The following TMF1 variants were observed in gnomAD, a reference collection of about 807,000 sequenced individuals.
TMF1 encodes the protein TATA element modulatory factor.
Under a neutral mutation model 126.5 loss-of-function variants are expected in TMF1, and 71 were observed. The observed-to-expected ratio is 0.56, with a 90% CI of 0.46 to 0.68. The LOEUF (loss-of-function observed/expected upper bound fraction) is 0.68. Ranked by LOEUF, TMF1 falls within the 30% of genes least tolerant of loss-of-function variation. TMF1 has a pLI of 0.00. For synonymous variants in TMF1, 461 were observed against 430.5 expected (o/e 1.07, Z -0.88); for missense variants, 1,259 against 1,253.2 (o/e 1.00, Z -0.07).
chr3:69,051,012 C>T (rs1256106367), intron 1 of TMF1, among the ~76,000 whole-genome samples: 1 of 152,172 alleles, frequency 6.6e-6, no homozygotes, highest in Non-Finnish European at 1.5e-5. Flanking sequence ...AAATGTGATA[C>T]CATCCAGAAA....
rs1192266083 is a variant in TMF1 at position 69,021,731 on chromosome 3, A to C, written c.*1446T>G. The C allele has an allele frequency of 6.6e-6, 1 of 150,888 alleles. No individual in the cohort carries two copies. The highest frequency in any genetic ancestry group is 2.1e-4 in the South Asian group (1 of 4,782). The allele number at this position is 150,888 out of a possible 1,614,324, so 9.3% of individuals were successfully genotyped here. A position where few individuals can be genotyped will look rare whatever the true frequency, so the allele number is the denominator to read the frequency against. Reference sequence around the variant, plus strand: ...AGTCTTTCTCTGTCACCCATGCTGGAGTGCAGTGGCACAATCTTGGCTCAT... The same window carrying C: ...AGTCTTTCTCTGTCACCCATGCTGGCGTGCAGTGGCACAATCTTGGCTCAT... On this transcript the variant is annotated 3_prime_UTR_variant, in exon 17 of 17. Transcript: ENST00000398559.
chr3:69,045,985 G>T (rs978801817), intron 2 of TMF1, among the ~76,000 whole-genome samples: 3 of 151,994 alleles, frequency 2.0e-5, no homozygotes, highest in Non-Finnish European at 4.4e-5. Flanking sequence ...GAGCCCAGGA[G>T]GTCAAGGCTG....
At chr3:69,032,362 G>A (rs1274712448) in intron 10 of TMF1, among the ~76,000 whole-genome samples, 2 of 152,136 alleles carry the variant, frequency 1.3e-5, no homozygotes, top group Non-Finnish European at 2.9e-5. Context: ...AATACCCTGA[G>A]TCCATGTCTC....
intron 2 of TMF1, among the ~76,000 whole-genome samples, chr3:69,045,927 G>A (rs1054612296): frequency 2.0e-5 from 3 of 151,796 alleles, no homozygotes; most frequent in Non-Finnish European, 4.4e-5. Context: ...GGCGTGGTGC[G>A]AGCCTATGGT....
rs553808487 is a variant in TMF1, at chr3:69,047,596, A to G, written c.1109T>C (p.Val370Ala). Residue 370 changes from valine to alanine, a missense_variant, in exon 2 of 17, where the codon GTT (valine) becomes GCT (alanine). Val to Ala is a moderately conservative substitution (Grantham distance 64). Coordinates refer to ENST00000398559, the MANE Select transcript of TMF1 (RefSeq NM_007114.3). The stretch of plus-strand genomic sequence containing the variant: ...TTCAGATTTTCCTTCAGCAGATTCA[A>G]CTGTTTTAGACTTTGGAGTTGAAGA... The part of the protein sequence containing the change: ...VNSSTPKSKT[V>A]ESAEGKSEEV... 1 of 1,614,112 alleles carries G rather than the reference A, an allele frequency of 6.2e-7. No individual in the cohort carries two copies. The highest frequency in any genetic ancestry group is 1.1e-5 in the South Asian group (1 of 91,084).
chr3:69,044,936 C>T (rs544698111), intron 2 of TMF1, among the ~76,000 whole-genome samples: 4 of 152,088 alleles, frequency 2.6e-5, no homozygotes, highest in Admixed American at 1.3e-4. Context: ...ATGCACTAGG[C>T]GACATGTATA....
chr3:69,044,517 C>A lies in TMF1; in HGVS notation c.1426G>T (p.Glu476Ter), dbSNP rs201489178. The A allele has an allele frequency of 6.3e-7, 1 of 1,596,606 alleles. No homozygotes were observed. Among genetic ancestry groups the A allele is most frequent in the East Asian group, 2.2e-5 (1 of 44,626 alleles). The change falls in exon 3 of 17, where the codon GAA (glutamate) becomes TAA (stop). Residue 476 changes from glutamate (E) to a stop codon, truncating the protein, a stop_gained. Transcript: ENST00000398559. LOFTEE classifies it high-confidence loss of function. Reference protein sequence around the residue: ...LSLSKEKALLEEAFDNLKDEM... With the variant: ...LSLSKEKALL ...TCTTTCAGGTTATCAAAAGCTTCTTCTAGAAGTGCTTTTTCCTTACTAAGA... is the reference window on the plus strand; with the variant it reads ...TCTTTCAGGTTATCAAAAGCTTCTTATAGAAGTGCTTTTTCCTTACTAAGA...
chr3:69,037,024 A>G (rs1433684437), intron 8 of TMF1, among the ~76,000 whole-genome samples: 1 of 152,240 alleles, frequency 6.6e-6, no homozygotes, highest in East Asian at 1.9e-4. Context: ...CAAATCCTAT[A>G]TCTGATAAAG....
intron 8 of TMF1, among the ~76,000 whole-genome samples, chr3:69,037,025 T>C (rs1559632096): frequency 6.6e-6 from 1 of 151,806 alleles, no homozygotes; most frequent in Non-Finnish European, 1.5e-5. Flanking sequence ...AAATCCTATA[T>C]CTGATAAAGG....
chr3:69,048,612 A>G (rs779852692), intron 1 of TMF1, 50 bp from the exon 2 acceptor site: 37 of 1,413,580 alleles, frequency 2.6e-5, no homozygotes, highest in Admixed American at 4.8e-5. Flanking sequence ...TGTTACATTA[A>G]TATTTCAATC....
chr3:69,033,791 G>T, intron 9 of TMF1, 87 bp from the exon 10 acceptor site: 2 of 1,194,072 alleles, frequency 1.7e-6, no homozygotes, highest in Non-Finnish European at 2.3e-6. Context: ...AGAGGTTCCT[G>T]GAAAATTATT....
intron 11 of TMF1, 91 bp from the exon 12 acceptor site, chr3:69,028,386 A>T: frequency 2.7e-6 from 2 of 749,398 alleles, no homozygotes; most frequent in Non-Finnish European, 4.4e-6. Context: ...AACTCCAGCT[A>T]CATATTGAGA....
At position 69,020,191 on chromosome 3, in the gene TMF1, A is replaced by C. The variant is rs1349065466; in HGVS notation, c.*2986T>G. On this transcript the variant is annotated 3_prime_UTR_variant, in exon 17 of 17. Coordinates refer to ENST00000398559, the MANE Select transcript of TMF1 (RefSeq NM_007114.3). ...TGCCAACTGAAGAGATGGAGAAAAAAAATTTCCTGAACATTCTTTTCACTT... is the reference window on the plus strand; with the variant it reads ...TGCCAACTGAAGAGATGGAGAAAAACAATTTCCTGAACATTCTTTTCACTT... 1 of 152,224 alleles carries C rather than the reference A, an allele frequency of 6.6e-6. No homozygotes were observed. The highest frequency in any genetic ancestry group is 1.9e-4 in the East Asian group (1 of 5,206). The allele number at this position is 152,224 out of a possible 1,614,324, so 9.4% of individuals were successfully genotyped here. A position where few individuals can be genotyped will look rare whatever the true frequency, so the allele number is the denominator to read the frequency against.
intron 4 of TMF1, 116 bp downstream of exon 4, chr3:69,043,634 A>G (rs2091879574): frequency 2.9e-6 from 3 of 1,019,698 alleles, no homozygotes; most frequent in East Asian, 5.4e-5. Context: ...ATGTTAATAG[A>G]TGATATCCTT....
intron 4 of TMF1, among the ~76,000 whole-genome samples, chr3:69,043,341 T>C (rs1303314496): frequency 1.3e-5 from 2 of 152,078 alleles, no homozygotes; most frequent in South Asian, 4.1e-4. Flanking sequence ...AGCTAATCTT[T>C]GTATTTTTTG....
intron 3 of TMF1, among the ~76,000 whole-genome samples, chr3:69,044,272 A>G (rs1164707170): frequency 1.3e-5 from 2 of 152,202 alleles, no homozygotes; most frequent in Admixed American, 6.5e-5. Context: ...AAACGAAAGG[A>G]AAGAGTTTTC....
At chr3:69,028,389 T>C in intron 11 of TMF1, 94 bp from the exon 12 acceptor site, 1 of 731,694 alleles carries the variant, frequency 1.4e-6, no homozygotes, top group Non-Finnish European at 2.3e-6. Context: ...TCCAGCTACA[T>C]ATTGAGAAAT....
chr3:69,030,997 G>GCTGC (rs2091798580), intron 10 of TMF1, among the ~76,000 whole-genome samples: 1 of 152,162 alleles, frequency 6.6e-6, no homozygotes, highest in Non-Finnish European at 1.5e-5. Flanking sequence ...AATCAGCCTG[G>GCTGC]ACGTCCCTTG....
chr3:69,045,341 C>A (rs1314596000), intron 2 of TMF1, among the ~76,000 whole-genome samples: 1 of 151,918 alleles, frequency 6.6e-6, no homozygotes, highest in East Asian at 1.9e-4. Context: ...ACCTGTAATC[C>A]CAGCTACTCA....
Sources: allele counts gnomAD v4.1 joint callset (sites outside exome capture counted in the v4.1 genomes callset), GRCh38; gene constraint gnomAD v4.1.1; transcripts MANE v1.5; gene names NCBI Gene and HGNC (gene_info 2026-07-23, HGNC 2026-07-21).